Variants in NFATC2 observed in about 807,000 individuals in gnomAD.
NFATC2 encodes the protein nuclear factor of activated T cells 2, also known as nuclear factor of activated T-cells, cytoplasmic 2.
A neutral mutation model predicts 87.3 loss-of-function variants in NFATC2; 22 were observed. The ratio of observed to expected loss-of-function variants is 0.25; its 90% confidence interval spans 0.18 to 0.36. NFATC2 has a LOEUF of 0.36. Among genes scored for constraint, NFATC2 ranks in the 10% least tolerant of loss-of-function variants. The probability of loss-of-function intolerance (pLI) is 1.00; values close to 1 mark genes in which losing one functional copy is unlikely to be tolerated. For synonymous variants in NFATC2, 565 were observed against 542.2 expected, an observed-to-expected ratio of 1.04 and a Z score of -0.58; for missense variants, 1,149 against 1,259.1, an observed-to-expected ratio of 0.91 and a Z score of 1.32.
intron 9 of NFATC2, among the ~76,000 whole-genome samples, chr20:51,399,555 T>C (rs1017569524): frequency 2.0e-5 from 3 of 152,230 alleles, no homozygotes; most frequent in Non-Finnish European, 2.9e-5. Context: ...GGAGACAGAA[T>C]GCTCAATAAA....
chr20:51,512,489 G>A (rs1415339863), intron 3 of NFATC2, among the ~76,000 whole-genome samples: 1 of 152,178 alleles, frequency 6.6e-6, no homozygotes, highest in Non-Finnish European at 1.5e-5. Context: ...GCACATGGCA[G>A]GTCCCCAGTG....
chr20:51,432,483 G>T lies in NFATC2; in HGVS notation c.2306C>A (p.Ala769Asp), dbSNP rs781068511. Residue 769 changes from alanine to aspartate, a missense_variant, in exon 9 of 11, where the codon GCC (alanine) becomes GAC (aspartate). This residue lies in a region of NFATC2 where 581 missense variants were observed against 649.7 expected (regional missense o/e 0.89). Transcript: ENST00000371564. The surrounding 1 kb of genome is among the most constrained non-coding windows in gnomAD (Gnocchi z 4.6). ...SPSLLGYQQP[A>D]LMAAPLSLAD... ...AAGGGACAGCGGGGCGGCCATGAGG[G>T]CCGGCTGCTGATAGCCCAGCAGGCT... 8.4e-6 allele frequency: 13 copies of T among 1,553,362 alleles called. No individual in the cohort carries two copies. The South Asian group carries it at 1.5e-4, about 17-fold the overall frequency.
chr20:51,440,787 G>T (rs960942807), intron 6 of NFATC2, among the ~76,000 whole-genome samples: 2 of 152,164 alleles, frequency 1.3e-5, no homozygotes, highest in Admixed American at 6.5e-5. Flanking sequence ...TTGATTTTAT[G>T]CAGCACGTGC....
intron 3 of NFATC2, among the ~76,000 whole-genome samples, chr20:51,490,543 A>C (rs2075865151): frequency 6.6e-6 from 1 of 152,196 alleles, no homozygotes; most frequent in Non-Finnish European, 1.5e-5. Context: ...TCATATCTTT[A>C]CTTACAGAAA....
chr20:51,561,331 A>AG (rs1474917517), intron 1 of NFATC2, among the ~76,000 whole-genome samples: 1 of 136,232 alleles, frequency 7.3e-6, no homozygotes, highest in Non-Finnish European at 1.6e-5. Flanking sequence ...AGTTAAAAAA[A>AG]AAAAAAAGAA....
chr20:51,507,953 C>T (rs2076212237), intron 3 of NFATC2, among the ~76,000 whole-genome samples: 1 of 152,194 alleles, frequency 6.6e-6, no homozygotes, highest in East Asian at 1.9e-4. Context: ...GTAGCTCCAG[C>T]CATTATGCCA....
intron 1 of NFATC2, among the ~76,000 whole-genome samples, chr20:51,542,140 T>C (rs1182093585): frequency 6.6e-6 from 1 of 152,084 alleles, no homozygotes; most frequent in African/African-American, 2.4e-5. Context: ...CAGGGAGCAG[T>C]CATGAGCAAC....
In NFATC2 at chr20:51,500,197, G is replaced by T. The variant is rs554054354; in HGVS notation, c.1332+16587C>A. ...GATAACCAGAGCCCTCAGTAAAATGGTAGCTGAAACCCTCAGTAAAATGAT... is the reference window on the plus strand; with the variant it reads ...GATAACCAGAGCCCTCAGTAAAATGTTAGCTGAAACCCTCAGTAAAATGAT... On this transcript the variant is annotated intron_variant, in intron 3 of 10. Coordinates refer to ENST00000371564, the MANE Select transcript of NFATC2 (RefSeq NM_012340.5). Among the ~76,000 whole-genome samples, 11 of 152,170 alleles carry T rather than the reference G, an allele frequency of 7.2e-5. No individual in the cohort carries two copies. The East Asian group carries it at 2.1e-3, about 29-fold the overall frequency.
chr20:51,543,016 C>A (rs1354140194), upstream of NFATC2, among the ~76,000 whole-genome samples: 2 of 152,168 alleles, frequency 1.3e-5, no homozygotes, highest in African/African-American at 2.4e-5. Context: ...GACTTTTGCC[C>A]TAAGGGACCC....
intron 7 of NFATC2, 81 bp downstream of exon 7, chr20:51,435,625 G>A (rs752840200): frequency 6.4e-5 from 93 of 1,449,788 alleles, no homozygotes; most frequent in Non-Finnish European, 8.8e-5. Flanking sequence ...ACTGATGAAG[G>A]AAGGAGGGAA....
chr20:51,451,893 T>C (rs552623099), intron 6 of NFATC2, among the ~76,000 whole-genome samples: 2 of 152,204 alleles, frequency 1.3e-5, no homozygotes, highest in Non-Finnish European at 2.9e-5. Flanking sequence ...TGATTCTACA[T>C]GATGGTGAGT....
At chr20:51,458,462 G>T (rs1369546380) in intron 5 of NFATC2, among the ~76,000 whole-genome samples, 1 of 151,684 alleles carries the variant, frequency 6.6e-6, no homozygotes, top group Non-Finnish European at 1.5e-5. Flanking sequence ...GACTTAAATG[G>T]TCTGAGGGTC....
At position 51,448,159 on chromosome 20, in the gene NFATC2, G is replaced by C. The variant is rs553093158; in HGVS notation, c.1849+6389C>G. ...TGAGAGACCAGGTGATAAATGAACA[G>C]ACAGACAAGGTAGGTGATTTCAACA... On this transcript the variant is annotated intron_variant, in intron 6 of 10. Transcript: ENST00000371564. 3.9e-5 allele frequency among the ~76,000 whole-genome samples: 6 copies of C among 152,350 alleles called. No individual in the cohort carries two copies. In the South Asian group the frequency reaches 1.2e-3, roughly 32 times the overall value.
rs1382964316 is a variant in NFATC2 at position 51,389,286 on chromosome 20, A to G, written c.*2210T>C. 6.6e-6 allele frequency: 1 copy of G among 152,196 alleles called. No individual in the cohort carries two copies. The highest frequency in any genetic ancestry group is 2.4e-5 in the African/African-American group (1 of 41,444). The allele number at this position is 152,196 out of a possible 1,614,324, so 9.4% of individuals were successfully genotyped here. A position where few individuals can be genotyped will look rare whatever the true frequency, so the allele number is the denominator to read the frequency against. On this transcript the variant is annotated 3_prime_UTR_variant, in exon 11 of 11. Transcript: ENST00000371564. ...CAAGGAAGCTGAGCTACTTTGCTAC[A>G]ATAGCAGGAAGGCACTTGGGTAAAA...
chr20:51,410,127 G>A (rs1297221012), intron 9 of NFATC2, among the ~76,000 whole-genome samples: 5 of 147,762 alleles, frequency 3.4e-5, no homozygotes, highest in South Asian at 2.3e-4. Context: ...GGAGAATGGC[G>A]TGAACTCGGG....
intron 3 of NFATC2, among the ~76,000 whole-genome samples, chr20:51,478,916 G>C (rs1053757716): frequency 6.6e-6 from 1 of 152,130 alleles, no homozygotes; most frequent in Non-Finnish European, 1.5e-5. Flanking sequence ...TAGCACATTT[G>C]GGTTTCAGAT....
chr20:51,421,618 G>A (rs1371963116), intron 9 of NFATC2, among the ~76,000 whole-genome samples: 1 of 152,218 alleles, frequency 6.6e-6, no homozygotes, highest in East Asian at 1.9e-4. Flanking sequence ...TCTGCTCAGG[G>A]CCAGCCTTGG....
intron 10 of NFATC2, among the ~76,000 whole-genome samples, chr20:51,393,263 C>T (rs867386137): frequency 6.6e-6 from 1 of 151,806 alleles, no homozygotes. Context: ...GCCTTGGTGA[C>T]AAAACCACTC....
At chr20:51,442,198 G>A (rs1160285574) in intron 6 of NFATC2, among the ~76,000 whole-genome samples, 1 of 152,146 alleles carries the variant, frequency 6.6e-6, no homozygotes, top group African/African-American at 2.4e-5. Context: ...TTGGGAAGCC[G>A]AGGTGGGTGG....
Sources: gnomAD v4.1 joint callset for allele counts (sites outside exome capture counted in the v4.1 genomes callset) on GRCh38, gnomAD v4.1.1 for gene constraint, gnomAD v4.1.1 regional missense constraint, Gnocchi (gnomAD v3.1) non-coding constraint, MANE v1.5 for transcripts, NCBI Gene and HGNC (gene_info 2026-07-23, HGNC 2026-07-21) for gene names.